The following OGG1 variants were observed in gnomAD, a reference collection of about 807,000 sequenced individuals.
OGG1 encodes the protein N-glycosylase/DNA lyase.
OGG1 carries 35 observed loss-of-function variants against 42.3 expected under a neutral mutation model. The ratio of observed to expected loss-of-function variants is 0.83; its 90% CI spans 0.63 to 1.10. The LOEUF (loss-of-function observed/expected upper bound fraction) is 1.10, where lower values mean the gene tolerates loss of function less well. Ranked by LOEUF, OGG1 falls within the 50% of genes least tolerant of loss-of-function variation. OGG1 has a pLI of 0.00. For synonymous variants in OGG1, 189 were observed against 179.0 expected, an observed-to-expected ratio of 1.06 and a Z score of -0.44; for missense variants, 484 against 446.7, an observed-to-expected ratio of 1.08 and a Z score of -0.75.
downstream of OGG1, among the ~76,000 whole-genome samples, chr3:9,769,135 A>C (rs1559707613): frequency 6.6e-6 from 1 of 151,902 alleles, no homozygotes; most frequent in Non-Finnish European, 1.5e-5. Flanking sequence ...ACAGTGCCCC[A>C]GACAGCCCTG....
At chr3:9,773,967 G>C (rs2078334016) in intron 2 of OGG1, among the ~76,000 whole-genome samples, 1 of 152,158 alleles carries the variant, frequency 6.6e-6, no homozygotes, top group Admixed American at 6.5e-5. Context: ...GGGTCTCCCA[G>C]AGTGCCGGGA....
chr3:9,768,782 TGAG>T (rs1449821759), downstream of OGG1, among the ~76,000 whole-genome samples: 1 of 152,102 alleles, frequency 6.6e-6, no homozygotes, highest in African/African-American at 2.4e-5. Flanking sequence ...TAAGGGAGAA[TGAG>T]GAGAAGGTGC....
At position 9,750,066 on chromosome 3, in the gene OGG1, G is replaced by A. The variant is rs995070440; in HGVS notation, c.-221G>A. 1.6e-6 allele frequency: 1 copy of A among 618,204 alleles called. No individual in the cohort carries two copies. The highest frequency in any genetic ancestry group is 2.8e-6 in the Non-Finnish European group (1 of 358,042). The allele number at this position is 618,204 out of a possible 1,614,324, so 38.3% of individuals were successfully genotyped here. On this transcript the variant is annotated 5_prime_UTR_variant, in exon 1 of 7. Transcript: ENST00000344629. Reference sequence around the variant, plus strand: ...GGAGGGGGCGGGACCTACACCTCAGGAAAGCCGGAGAATTGGGGCACGAAG... The same window carrying A: ...GGAGGGGGCGGGACCTACACCTCAGAAAAGCCGGAGAATTGGGGCACGAAG...
chr3:9,759,464 C>G (rs558795108), downstream of OGG1: 1 of 1,613,980 alleles, frequency 6.2e-7, no homozygotes, highest in Non-Finnish European at 8.5e-7. Context: ...GAGGCTGGGA[C>G]CAGAACTAGG....
downstream of OGG1, chr3:9,789,379 T>G: frequency 1.3e-6 from 1 of 799,600 alleles, no homozygotes; most frequent in Non-Finnish European, 2.0e-6. Flanking sequence ...CTGGAGGCAC[T>G]GATGGAGCAG....
chr3:9,761,107 G>A (rs185413779), downstream of OGG1: 20 of 346,056 alleles, frequency 5.8e-5, no homozygotes, highest in Admixed American at 3.9e-4. Flanking sequence ...GCATCACCCC[G>A]TCTCCCTATT....
intron 7 of OGG1, chr3:9,762,919 G>T: frequency 6.2e-7 from 1 of 1,614,108 alleles, no homozygotes; most frequent in Non-Finnish European, 8.5e-7. Context: ...CCCACCTTGA[G>T]ATCCCGGTGT....
downstream of OGG1, among the ~76,000 whole-genome samples, chr3:9,768,039 T>C (rs535413572): frequency 1.3e-5 from 2 of 152,348 alleles, no homozygotes; most frequent in East Asian, 3.9e-4. Flanking sequence ...TCTAGTTCTC[T>C]TCCCAGTTTT....
intron 2 of OGG1, among the ~76,000 whole-genome samples, chr3:9,780,712 C>CTATCT (rs1369785168): frequency 6.6e-6 from 1 of 152,228 alleles, no homozygotes; most frequent in African/African-American, 2.4e-5. Context: ...TTACATGGCA[C>CTATCT]TATCTTAAGC....
intron 2 of OGG1, among the ~76,000 whole-genome samples, chr3:9,774,449 CT>C (rs954479032): frequency 2.0e-5 from 3 of 148,304 alleles, no homozygotes; most frequent in Non-Finnish European, 3.0e-5. Context: ...ACTTTTGTTA[CT>C]TTTTTTTAAC....
chr3:9,762,092 A>C, downstream of OGG1: 1 of 216,984 alleles, frequency 4.6e-6, no homozygotes, highest in Non-Finnish European at 9.3e-6. Flanking sequence ...AGTCTGTATA[A>C]TCTCACCTAA....
At chr3:9,759,145 C>G (rs1350574211), downstream of OGG1, 3 of 1,471,190 alleles carry the variant, frequency 2.0e-6, no homozygotes, top group Non-Finnish European at 2.9e-6. Flanking sequence ...TGGCTATAGA[C>G]ATTATTCCGC....
At chr3:9,787,487 G>A (rs2290309) in intron 3 of OGG1, 576,926 of 1,208,596 alleles carry the variant, frequency 0.48, 145,156 homozygotes, top group Non-Finnish European at 0.52. Context: ...AAAGTACAAC[G>A]AAGATAAAAC....
At chr3:9,780,753 G>T (rs555994731) in intron 2 of OGG1, among the ~76,000 whole-genome samples, 2 of 152,202 alleles carry the variant, frequency 1.3e-5, no homozygotes, top group African/African-American at 4.8e-5. Flanking sequence ...TGTTGATCAC[G>T]GGGGAGGCTG....
chr3:9,773,373 C>T (rs1038003824), intron 2 of OGG1, among the ~76,000 whole-genome samples: 2 of 151,804 alleles, frequency 1.3e-5, no homozygotes, highest in Admixed American at 1.3e-4. Context: ...TTTTGTATTT[C>T]TACTAAAGAT....
chr3:9,761,735 C>T (rs764052828), downstream of OGG1: 9 of 1,614,054 alleles, frequency 5.6e-6, no homozygotes, highest in South Asian at 9.9e-5. Context: ...TTCATCCAGG[C>T]TGTAGTACAG....
chr3:9,754,270 C>T (rs1258557283), intron 3 of OGG1, among the ~76,000 whole-genome samples: 1 of 152,234 alleles, frequency 6.6e-6, no homozygotes, highest in Non-Finnish European at 1.5e-5. Flanking sequence ...GGGAAAACAG[C>T]AGTACTGTCA....
intron 3 of OGG1, among the ~76,000 whole-genome samples, chr3:9,782,898 T>C (rs1054016203): frequency 6.6e-6 from 1 of 152,054 alleles, no homozygotes; most frequent in Non-Finnish European, 1.5e-5. Flanking sequence ...CTTGTTCGGG[T>C]TGCTTCCCTA....
chr3:9,766,601 T>C (rs1169746641), exon 8 of OGG1: 4 of 1,041,734 alleles, frequency 3.8e-6, no homozygotes, highest in Non-Finnish European at 3.6e-6. Flanking sequence ...TAAGAAGCAG[T>C]GTTTTAGAAC....
Sources: allele counts gnomAD v4.1 joint callset (sites outside exome capture counted in the v4.1 genomes callset), GRCh38; gene constraint gnomAD v4.1.1; transcripts MANE v1.5; gene names NCBI Gene and HGNC (gene_info 2026-07-23, HGNC 2026-07-21).